Variants in KCNMB2 observed in about 807,000 individuals in gnomAD.
The protein encoded by KCNMB2 is potassium calcium-activated channel subfamily M regulatory beta subunit 2.
Under a neutral mutation model 24.5 loss-of-function variants are expected in KCNMB2, and 9 were observed. The ratio of observed to expected loss-of-function variants is 0.37; its 90% CI spans 0.22 to 0.64. KCNMB2 has a LOEUF of 0.64. KCNMB2 is among the 30% of genes least tolerant of loss of function. KCNMB2 has a pLI of 0.63. For missense variants in KCNMB2, 226 were observed against 284.3 expected, an observed-to-expected ratio of 0.79 and a Z score of 1.47; for synonymous variants, 109 against 104.4, an observed-to-expected ratio of 1.04 and a Z score of -0.27.
intron 1 of KCNMB2, among the ~76,000 whole-genome samples, chr3:178,724,677 TG>T (rs1722909899): frequency 6.6e-6 from 1 of 152,206 alleles, no homozygotes; most frequent in East Asian, 1.9e-4. Flanking sequence ...CGTTAATTTT[TG>T]CATATGGTGA....
At chr3:178,576,830 G>A (rs957527552) in intron 1 of KCNMB2, among the ~76,000 whole-genome samples, 1 of 152,234 alleles carries the variant, frequency 6.6e-6, no homozygotes, top group Non-Finnish European at 1.5e-5. Context: ...TGAAAGAAAG[G>A]CAGCAGCCCC....
chr3:178,825,852 C>G lies in KCNMB2; in HGVS notation c.227+94C>G, dbSNP rs1438124155. 4 of 896,642 alleles carry G rather than the reference C, an allele frequency of 4.5e-6. No homozygotes were observed. The African/African-American group carries it at 5.0e-5, about 11-fold the overall frequency. The allele number at this position is 896,642 out of a possible 1,614,324, so 55.5% of individuals were successfully genotyped here. On this transcript the variant is annotated intron_variant, in intron 3 of 4. Coordinates refer to ENST00000452583, the MANE Select transcript of KCNMB2 (RefSeq NM_181361.3). The stretch of plus-strand genomic sequence containing the variant: ...ACCCTAAGGTCATCTTCCTCACCTT[C>G]TTTCCTGATAAGAACTTTGAGAAGT...
chr3:178,612,213 T>C (rs1364235934), intron 1 of KCNMB2, among the ~76,000 whole-genome samples: 1 of 152,180 alleles, frequency 6.6e-6, no homozygotes, highest in African/African-American at 2.4e-5. Flanking sequence ...GAGGAAAAGA[T>C]TGTGAGTTCT....
intron 1 of KCNMB2, among the ~76,000 whole-genome samples, chr3:178,691,375 T>C (rs888673958): frequency 6.6e-6 from 1 of 151,810 alleles, no homozygotes; most frequent in Non-Finnish European, 1.5e-5. Context: ...TAGTACCCAT[T>C]AGTTATTTTT....
intron 1 of KCNMB2, among the ~76,000 whole-genome samples, chr3:178,577,645 A>T (rs548797176): frequency 9.1e-4 from 139 of 152,348 alleles, no homozygotes; most frequent in Non-Finnish European, 1.6e-3. Context: ...GGAATTGCTA[A>T]CTAGAATAAC....
intron 1 of KCNMB2, among the ~76,000 whole-genome samples, chr3:178,775,805 C>T (rs1030147040): frequency 6.6e-6 from 1 of 152,150 alleles, no homozygotes; most frequent in Non-Finnish European, 1.5e-5. Flanking sequence ...GGACTTTCTC[C>T]TCTGGGGCTC....
chr3:178,564,818 T>C (rs1439621213), intron 1 of KCNMB2, among the ~76,000 whole-genome samples: 1 of 152,194 alleles, frequency 6.6e-6, no homozygotes, highest in Non-Finnish European at 1.5e-5. Context: ...TAGCCATTTA[T>C]TCCTCAGAAA....
intron 1 of KCNMB2, among the ~76,000 whole-genome samples, chr3:178,769,446 A>G (rs547521280): frequency 4.6e-5 from 7 of 152,186 alleles, no homozygotes; most frequent in Non-Finnish European, 7.3e-5. Flanking sequence ...AAGATGGTGC[A>G]GTTTGTGCAA....
chr3:178,758,345 G>GATATAT (rs1214797017), intron 1 of KCNMB2, among the ~76,000 whole-genome samples: 3 of 8,678 alleles, frequency 3.5e-4, no homozygotes, highest in African/African-American at 1.9e-3. Context: ...TCCAAGAGGG[G>GATATAT]ATATATATAT....
At chr3:178,583,819 T>A (rs972356665) in intron 1 of KCNMB2, among the ~76,000 whole-genome samples, 1 of 152,178 alleles carries the variant, frequency 6.6e-6, no homozygotes, top group Admixed American at 6.5e-5. Flanking sequence ...CGGCCAGAGT[T>A]AATGGTTCCT....
intron 1 of KCNMB2, chr3:178,537,437 G>A (rs577282777): frequency 6.6e-6 from 1 of 152,160 alleles, no homozygotes; most frequent in South Asian, 2.1e-4. Context: ...TTATGGACTT[G>A]ACATTTTACC....
Position 178,538,212 on chromosome 3 carries a change from G to T in KCNMB2, c.-68+1501G>T, listed in dbSNP as rs563875943. Among the ~76,000 whole-genome samples, 5 of 152,186 alleles carry T rather than the reference G, an allele frequency of 3.3e-5. No individual in the cohort carries two copies. In the South Asian group the frequency reaches 1.0e-3, roughly 32 times the overall value. On this transcript the variant is annotated intron_variant, in intron 1 of 4. Transcript: ENST00000452583. ...TGTGGTGGATTTTACTGAACCAGCC[G>T]AACTCTCTTGGCTGGTCTTTACGTG...
At chr3:178,654,015 G>C (rs1181568086) in intron 1 of KCNMB2, among the ~76,000 whole-genome samples, 1 of 151,976 alleles carries the variant, frequency 6.6e-6, no homozygotes, top group Non-Finnish European at 1.5e-5. Context: ...CTGTGTAATG[G>C]GCTGAACCTA....
At chr3:178,702,549 C>A (rs907923994) in intron 1 of KCNMB2, among the ~76,000 whole-genome samples, 1 of 151,974 alleles carries the variant, frequency 6.6e-6, no homozygotes, top group African/African-American at 2.4e-5. Flanking sequence ...TTACAAGAGC[C>A]AAAGGTCCTC....
intron 1 of KCNMB2, among the ~76,000 whole-genome samples, chr3:178,740,412 G>A (rs549549870): frequency 2.6e-5 from 4 of 152,032 alleles, no homozygotes; most frequent in Non-Finnish European, 4.4e-5. Flanking sequence ...TAGCCACCAC[G>A]CCTGGCCCCC....
chr3:178,706,036 G>A (rs1386260895), intron 1 of KCNMB2, among the ~76,000 whole-genome samples: 1 of 152,134 alleles, frequency 6.6e-6, no homozygotes, highest in Non-Finnish European at 1.5e-5. Flanking sequence ...ATGTAGGGAG[G>A]GAGGGGAAAA....
intron 1 of KCNMB2, among the ~76,000 whole-genome samples, chr3:178,793,836 A>C (rs1713425681): frequency 6.6e-6 from 1 of 152,030 alleles, no homozygotes. Flanking sequence ...AGGACAAAAC[A>C]CCAAATCACC....
chr3:178,561,485 C>G (rs1471705026), intron 1 of KCNMB2, among the ~76,000 whole-genome samples: 1 of 152,168 alleles, frequency 6.6e-6, no homozygotes, highest in East Asian at 1.9e-4. Context: ...CTCTACGACT[C>G]TCAGTAAAAG....
At chr3:178,654,290 G>C (rs920880359) in intron 1 of KCNMB2, among the ~76,000 whole-genome samples, 1 of 151,956 alleles carries the variant, frequency 6.6e-6, no homozygotes, top group African/African-American at 2.4e-5. Context: ...AGGAGATTTT[G>C]GTTTCATTTA....
Sources: allele counts gnomAD v4.1 joint callset (sites outside exome capture counted in the v4.1 genomes callset), GRCh38; gene constraint gnomAD v4.1.1; transcripts MANE v1.5; gene names NCBI Gene and HGNC (gene_info 2026-07-23, HGNC 2026-07-21).